The following SLC14A2 variants were observed in gnomAD, a reference collection of about 807,000 sequenced individuals.
The protein encoded by SLC14A2 is urea transporter 2.
In SLC14A2, 91 loss-of-function variants were observed where a neutral mutation model predicts 104.6. That is an observed-to-expected ratio of 0.87 (90% confidence interval 0.73 to 1.04). The LOEUF is 1.04. Among genes scored for constraint, SLC14A2 ranks in the 50% least tolerant of loss-of-function variants. SLC14A2 has a pLI of 0.00. For synonymous variants in SLC14A2, 476 were observed against 466.4 expected (o/e 1.02, Z -0.27); for missense variants, 1,189 against 1,156.0 (o/e 1.03, Z -0.41).
chr18:45,663,944 C>G, intron 11 of SLC14A2, 37 bp downstream of exon 11: 1 of 1,572,102 alleles, frequency 6.4e-7, no homozygotes, highest in Non-Finnish European at 8.6e-7. Flanking sequence ...GGATCCCTGC[C>G]TTCCTAGTCT....
chr18:45,306,226 A>G (rs1001582119), intron 1 of SLC14A2, among the ~76,000 whole-genome samples: 2 of 152,216 alleles, frequency 1.3e-5, no homozygotes, highest in Non-Finnish European at 1.5e-5. Flanking sequence ...TGCAAGATGC[A>G]CAGCTCAGAT....
chr18:45,344,137 C>T (rs756311167), intron 1 of SLC14A2, among the ~76,000 whole-genome samples: 13 of 151,924 alleles, frequency 8.6e-5, no homozygotes, highest in Non-Finnish European at 1.5e-4. Flanking sequence ...ATCACTCCTA[C>T]TATGCCCCAT....
rs200339508 is a variant in SLC14A2, at chr18:45,560,141, C to A, written c.-34-64490C>A. On this transcript the variant is annotated intron_variant, in intron 2 of 20. Transcript: ENST00000586448. The stretch of plus-strand genomic sequence containing the variant: ...CTGGCCTGCATTTGTCTGGCATCTA[C>A]TGCATTAGCCAGGGCAATAGCATAT... Among the ~76,000 whole-genome samples, 25 of 152,344 alleles carry A rather than the reference C, an allele frequency of 1.6e-4. No homozygotes were observed. In the East Asian group the frequency reaches 4.8e-3, roughly 29 times the overall value.
intron 1 of SLC14A2, among the ~76,000 whole-genome samples, chr18:45,352,639 C>T (rs1351320326): frequency 6.6e-6 from 1 of 151,684 alleles, no homozygotes; most frequent in African/African-American, 2.4e-5. Flanking sequence ...AATACTGTCA[C>T]AAATAAATGT....
chr18:45,566,299 A>G (rs943088843), intron 2 of SLC14A2, among the ~76,000 whole-genome samples: 7 of 152,232 alleles, frequency 4.6e-5, no homozygotes, highest in African/African-American at 1.4e-4. Context: ...TCATGGGGCC[A>G]GGATTTAGAT....
At chr18:45,278,400 G>A (rs773712454) in intron 1 of SLC14A2, among the ~76,000 whole-genome samples, 1 of 152,154 alleles carries the variant, frequency 6.6e-6, no homozygotes, top group African/African-American at 2.4e-5. Flanking sequence ...GCACCCACCG[G>A]TTGTCAAATA....
At chr18:45,673,141 C>G (rs2046170144) in intron 17 of SLC14A2, 94 bp downstream of exon 17, 5 of 1,176,122 alleles carry the variant, frequency 4.3e-6, no homozygotes, top group Non-Finnish European at 6.1e-6. Context: ...ACTCCACCTG[C>G]TGATTCCTGT....
intron 2 of SLC14A2, among the ~76,000 whole-genome samples, chr18:45,521,995 G>A (rs778104399): frequency 4.6e-4 from 70 of 152,144 alleles, no homozygotes; most frequent in Non-Finnish European, 8.2e-4. Context: ...GGAGGAAAGC[G>A]TGCTGGACTG....
chr18:45,414,755 AAAATATATATATATATATATATATAT>A lies in SLC14A2; in HGVS notation c.-124-68476_-124-68451del, dbSNP rs2086254122. Among the ~76,000 whole-genome samples, 2 of 64,142 alleles carry A rather than the reference AAAATATATATATATATATATATATAT, an allele frequency of 3.1e-5. 1 individual carries two copies. Among genetic ancestry groups the A allele is most frequent in the African/African-American group, 1.6e-4 (2 of 12,494 alleles). The allele number at this position is 64,142 out of a possible 152,430, so 42.1% of individuals were successfully genotyped here. ...CAAGGCACCGAGCGTAAAAAAAAAAAAAATATATATATATATATATATATATATATATATATATATAGAAAAGTACA... is the reference window on the plus strand; with the variant it reads ...CAAGGCACCGAGCGTAAAAAAAAAAAATATATATATATATAGAAAAGTACA... On this transcript the variant is annotated intron_variant, in intron 1 of 20. Transcript: ENST00000586448.
intron 3 of SLC14A2, 112 bp from the exon 4 acceptor site, chr18:45,626,846 G>C: frequency 1.3e-6 from 1 of 771,468 alleles, no homozygotes; most frequent in Non-Finnish European, 2.0e-6. Flanking sequence ...TGGCTGAATG[G>C]GAAGGGTCCT....
intron 1 of SLC14A2, among the ~76,000 whole-genome samples, chr18:45,356,819 G>A (rs2144318221): frequency 6.6e-6 from 1 of 152,274 alleles, no homozygotes; most frequent in African/African-American, 2.4e-5. Context: ...TAAATGATTG[G>A]CATGATCAAC....
At chr18:45,504,289 G>A (rs2043247890) in intron 2 of SLC14A2, among the ~76,000 whole-genome samples, 2 of 152,186 alleles carry the variant, frequency 1.3e-5, no homozygotes, top group African/African-American at 2.4e-5. Context: ...TAACAACAGG[G>A]GAGGAAAGCC....
At chr18:45,435,959 G>C (rs1447752445) in intron 1 of SLC14A2, among the ~76,000 whole-genome samples, 1 of 152,070 alleles carries the variant, frequency 6.6e-6, no homozygotes, top group Admixed American at 6.5e-5. Context: ...AAGAGCACAG[G>C]ACAGGGAAGA....
intron 1 of SLC14A2, among the ~76,000 whole-genome samples, chr18:45,388,905 A>G (rs1350805362): frequency 2.6e-5 from 4 of 152,232 alleles, no homozygotes; most frequent in Non-Finnish European, 5.9e-5. Context: ...AGGCACATTG[A>G]TGGGCTAGCA....
At chr18:45,434,596 G>T (rs551080098) in intron 1 of SLC14A2, among the ~76,000 whole-genome samples, 2 of 152,206 alleles carry the variant, frequency 1.3e-5, no homozygotes, top group African/African-American at 2.4e-5. Context: ...AAGCGCCACA[G>T]CAGTCCTTGG....
At chr18:45,200,645 A>G in the SLC14A2 span, among the ~76,000 whole-genome samples, 1 of 152,178 alleles carries the variant, frequency 6.6e-6, no homozygotes, top group East Asian at 1.9e-4. Flanking sequence ...GTAAACTCAC[A>G]GAGACTAAGG....
chr18:45,289,865 C>T (rs1379497501), intron 1 of SLC14A2, among the ~76,000 whole-genome samples: 1 of 152,168 alleles, frequency 6.6e-6, no homozygotes, highest in Non-Finnish European at 1.5e-5. Flanking sequence ...GATGCAAGAC[C>T]TGAACAACTC....
chr18:45,589,187 A>G (rs1254691654), intron 2 of SLC14A2, among the ~76,000 whole-genome samples: 1 of 151,568 alleles, frequency 6.6e-6, no homozygotes, highest in East Asian at 1.9e-4. Flanking sequence ...GCTTCCAATT[A>G]AGCCTGTTTG....
Position 45,231,103 on chromosome 18 carries a change from A to G in SLC14A2, c.-125+17912A>G, listed in dbSNP as rs372378936. 1.6e-4 allele frequency among the ~76,000 whole-genome samples: 24 copies of G among 152,364 alleles called. No individual in the cohort carries two copies. The East Asian group carries it at 4.6e-3, about 29-fold the overall frequency. ...CTATCCATGCTTTACAGGGTAAGAA[A>G]TTGACGCACAGAGAAGTTAAGTAAC... On this transcript the variant is annotated intron_variant, in intron 1 of 20. Coordinates refer to the SLC14A2 transcript ENST00000586448.
Sources: gnomAD v4.1 joint callset for allele counts (sites outside exome capture counted in the v4.1 genomes callset) on GRCh38, gnomAD v4.1.1 for gene constraint, MANE v1.5 for transcripts, NCBI Gene and HGNC (gene_info 2026-07-23, HGNC 2026-07-21) for gene names.